Variants in PTBP2 observed in about 807,000 individuals in gnomAD.
The protein encoded by PTBP2 is polypyrimidine tract-binding protein 2.
Under a neutral mutation model 61.4 loss-of-function variants are expected in PTBP2, and 13 were observed. The ratio of observed to expected loss-of-function variants is 0.21; its 90% CI spans 0.14 to 0.34. PTBP2 has a LOEUF of 0.34. PTBP2 is among the 10% of genes least tolerant of loss of function. PTBP2 has a pLI of 1.00. For synonymous variants in PTBP2, 215 were observed against 218.5 expected (o/e 0.98, Z 0.14); for missense variants, 405 against 642.6 (o/e 0.63, Z 4.00).
At chr1:96,738,555 G>T (rs966080271) in intron 2 of PTBP2, among the ~76,000 whole-genome samples, 1 of 152,156 alleles carries the variant, frequency 6.6e-6, no homozygotes, top group African/African-American at 2.4e-5. Flanking sequence ...GATTGATTGG[G>T]TTTGAGCCCC....
At position 96,796,835 on chromosome 1, in the gene PTBP2, T is replaced by G. The variant is rs182882877; in HGVS notation, c.905-7965T>G. On this transcript the variant is annotated intron_variant, in intron 8 of 13. Coordinates refer to ENST00000674951, the MANE Select transcript of PTBP2 (RefSeq NM_021190.4). ...GTCACCATAAAGGTCAAAAGTGGGT[T>G]TAGTGGTTGTGTGGGAATAGGCAGA... Among the ~76,000 whole-genome samples, 173 of 151,942 alleles carry G rather than the reference T, an allele frequency of 1.1e-3. 3 individuals are homozygous for G. Among genetic ancestry groups the G allele is most frequent in the Admixed American group, 0.011 (171 of 15,266 alleles).
chr1:96,747,121 G>A (rs1164209987), intron 2 of PTBP2, among the ~76,000 whole-genome samples: 2 of 150,782 alleles, frequency 1.3e-5, no homozygotes, highest in Non-Finnish European at 1.5e-5. Context: ...ATATTGTTGC[G>A]GATTAATACA....
rs558838393 is a variant in PTBP2 at position 96,759,684 on chromosome 1, A to G, written c.115+8184A>G. ...GGAATATATAAACTTGACTCCATCA[A>G]AATGGGAAATTTCTGCTTCATCAAA... is the stretch of plus-strand genomic sequence containing the variant. On this transcript the variant is annotated intron_variant, in intron 3 of 13. Coordinates refer to ENST00000674951, the MANE Select transcript of PTBP2 (RefSeq NM_021190.4). Among the ~76,000 whole-genome samples, 90 of 152,368 alleles carry G rather than the reference A, an allele frequency of 5.9e-4. 2 individuals are homozygous for G. Among genetic ancestry groups the G allele is most frequent in the South Asian group, 3.9e-3 (19 of 4,828 alleles).
chr1:96,725,587 A>AT (rs1156727176), intron 2 of PTBP2, among the ~76,000 whole-genome samples: 1 of 150,750 alleles, frequency 6.6e-6, no homozygotes, highest in South Asian at 2.1e-4. Context: ...TTAGAAGATG[A>AT]TAAAAAAAAA....
At chr1:96,734,687 T>C (rs562303082) in intron 2 of PTBP2, among the ~76,000 whole-genome samples, 26 of 152,126 alleles carry the variant, frequency 1.7e-4, no homozygotes, top group African/African-American at 6.3e-4. Context: ...TAATTTAGTA[T>C]GTTTTCCATA....
Position 96,799,294 on chromosome 1 carries a change from CTT to C in PTBP2, c.905-5488_905-5487del, listed in dbSNP as rs373815292. Among the ~76,000 whole-genome samples the C allele has an allele frequency of 9.5e-3, 877 of 92,122 alleles. 27 individuals carry two copies. The highest frequency in any genetic ancestry group is 0.039 in the African/African-American group (811 of 20,618). 60.4% of individuals were successfully genotyped at this position (92,122 alleles called of 152,430 possible). A position where few individuals can be genotyped will look rare whatever the true frequency, so the allele number is the denominator to read the frequency against. Reference sequence around the variant, plus strand: ...ATAGCAATCCTCAGAATAGATCAAGCTTTTTTTTTTTTTTTTTTTGAGATGGA... The same window carrying C: ...ATAGCAATCCTCAGAATAGATCAAGCTTTTTTTTTTTTTTTTTGAGATGGA... On this transcript the variant is annotated intron_variant, in intron 8 of 13. Coordinates refer to ENST00000674951, the MANE Select transcript of PTBP2 (RefSeq NM_021190.4).
In PTBP2 at chr1:96,769,690, T is replaced by C. The variant is rs1174945247; in HGVS notation, c.116-13T>C. The C allele has an allele frequency of 2.0e-6, 3 of 1,536,542 alleles. No homozygotes were observed. Among genetic ancestry groups the C allele is most frequent in the Non-Finnish European group, 1.8e-6 (2 of 1,141,336 alleles). ...TTGTTGATATATAAGGACTGTTTTT[T>C]AATGTCTTTCAGCCAATGGTAATGA... On this transcript the variant is annotated splice_polypyrimidine_tract_variant and intron_variant, in intron 3 of 13. Transcript: ENST00000674951.
At chr1:96,742,227 C>T (rs1300366465) in intron 2 of PTBP2, among the ~76,000 whole-genome samples, 1 of 152,084 alleles carries the variant, frequency 6.6e-6, no homozygotes, top group Non-Finnish European at 1.5e-5. Flanking sequence ...GAATTTTCCA[C>T]TTTCTTCTTC....
At chr1:96,732,114 C>G (rs1011541987) in intron 2 of PTBP2, among the ~76,000 whole-genome samples, 10 of 152,110 alleles carry the variant, frequency 6.6e-5, no homozygotes, top group African/African-American at 2.4e-4. Flanking sequence ...TCTAAATATT[C>G]TGAAAGTACT....
At chr1:96,769,404 G>A (rs930968789) in intron 3 of PTBP2, among the ~76,000 whole-genome samples, 3 of 151,894 alleles carry the variant, frequency 2.0e-5, no homozygotes, top group Non-Finnish European at 2.9e-5. Context: ...TTAGTCATTG[G>A]ACAGTTTCTT....
chr1:96,813,173 C>G, intron 13 of PTBP2, 67 bp downstream of exon 13: 1 of 1,540,240 alleles, frequency 6.5e-7, no homozygotes, highest in South Asian at 1.2e-5. Context: ...TTGTTCTTTT[C>G]GTTTATAGAA....
intron 3 of PTBP2, among the ~76,000 whole-genome samples, chr1:96,769,045 A>C (rs937688175): frequency 1.3e-5 from 2 of 152,034 alleles, no homozygotes; most frequent in African/African-American, 4.8e-5. Context: ...TGATTAAATT[A>C]CAAGATACAG....
chr1:96,786,378 GT>G (rs1659204965), intron 8 of PTBP2, among the ~76,000 whole-genome samples: 1 of 151,998 alleles, frequency 6.6e-6, no homozygotes, highest in Admixed American at 6.5e-5. Flanking sequence ...AAGTCATAGT[GT>G]TTATTATGAC....
At chr1:96,804,351 T>C (rs1021359104) in intron 8 of PTBP2, among the ~76,000 whole-genome samples, 1 of 152,206 alleles carries the variant, frequency 6.6e-6, no homozygotes, top group African/African-American at 2.4e-5. Flanking sequence ...TAAGCTGTAA[T>C]TATTTGATTT....
intron 3 of PTBP2, among the ~76,000 whole-genome samples, chr1:96,769,349 A>G (rs141675260): frequency 1.9e-4 from 29 of 152,156 alleles, no homozygotes; most frequent in East Asian, 7.7e-4. Context: ...TGGCCTGTCA[A>G]TGACCAAAAT....
At chr1:96,764,560 C>G (rs895755251) in intron 3 of PTBP2, among the ~76,000 whole-genome samples, 2 of 152,176 alleles carry the variant, frequency 1.3e-5, no homozygotes, top group African/African-American at 4.8e-5. Flanking sequence ...ACATTTTGCT[C>G]TACCTGAAAG....
At chr1:96,791,826 C>CTTTTTTTTTTTTTTTTTTT (rs1163642886) in intron 8 of PTBP2, among the ~76,000 whole-genome samples, 7 of 66,106 alleles carry the variant, frequency 1.1e-4, no homozygotes, top group African/African-American at 5.7e-4. Context: ...TGGAGTTGTG[C>CTTTTTTTTTTTTTTTTTTT]TTTTTTTTTT....
intron 2 of PTBP2, among the ~76,000 whole-genome samples, chr1:96,733,239 A>T (rs1651695780): frequency 6.6e-6 from 1 of 152,152 alleles, no homozygotes; most frequent in Non-Finnish European, 1.5e-5. Context: ...TCTGTCTCAC[A>T]TCACATCACT....
intron 3 of PTBP2, among the ~76,000 whole-genome samples, chr1:96,766,374 T>G (rs1349220699): frequency 6.6e-6 from 1 of 152,170 alleles, no homozygotes; most frequent in Non-Finnish European, 1.5e-5. Context: ...AACATTTGAA[T>G]TATTACTGGT....
Sources: allele counts gnomAD v4.1 joint callset (sites outside exome capture counted in the v4.1 genomes callset), GRCh38; gene constraint gnomAD v4.1.1; transcripts MANE v1.5; gene names NCBI Gene and HGNC (gene_info 2026-07-23, HGNC 2026-07-21).